The following LUZP2 variants were observed in gnomAD, a reference collection of about 807,000 sequenced individuals.
LUZP2 encodes the protein leucine zipper protein 2.
A neutral mutation model predicts 51.6 loss-of-function variants in LUZP2; 52 were observed. The ratio of observed to expected loss-of-function variants is 1.01; its 90% CI spans 0.81 to 1.27. The LOEUF (loss-of-function observed/expected upper bound fraction) is 1.27. LUZP2 is among the 50% of genes most tolerant of loss of function. The pLI, the probability that LUZP2 is intolerant of heterozygous loss-of-function variation, is 0.00. For synonymous variants in LUZP2, 154 were observed against 137.3 expected (o/e 1.12, Z -0.85); for missense variants, 436 against 395.4 (o/e 1.10, Z -0.87).
At chr11:24,741,921 TTTATATATTATATATAAATATATA>T (rs1253900839) in intron 4 of LUZP2, among the ~76,000 whole-genome samples, 1 of 18,676 alleles carries the variant, frequency 5.4e-5, no homozygotes, top group Non-Finnish European at 1.6e-4. Flanking sequence ...AATATATACA[TTTATATATTATATATAAATATATA>T]CATTTATATA....
intron 1 of LUZP2, among the ~76,000 whole-genome samples, chr11:24,725,984 G>T (rs554108211): frequency 1.3e-5 from 2 of 152,036 alleles, no homozygotes; most frequent in Non-Finnish European, 2.9e-5. Context: ...TTCTCTCACA[G>T]CCCTCACAGG....
At chr11:24,738,136 C>A in intron 3 of LUZP2, 85 bp from the exon 4 acceptor site, 1 of 933,930 alleles carries the variant, frequency 1.1e-6, no homozygotes, top group Non-Finnish European at 1.6e-6. Context: ...ATGTATACAG[C>A]AAAGCTCCTT....
chr11:24,610,225 T>TGACATTCATCAGTTCTG (rs1242364746), intron 1 of LUZP2, among the ~76,000 whole-genome samples: 1 of 152,160 alleles, frequency 6.6e-6, no homozygotes, highest in Non-Finnish European at 1.5e-5. Flanking sequence ...ACACAAATAG[T>TGACATTCATCAGTTCTG]GACATTCATC....
In LUZP2 at chr11:24,623,624, T is replaced by C. The variant is rs187363744; in HGVS notation, c.63-105545T>C. Reference sequence around the variant, plus strand: ...ATTTTGGGAGGCCAAGGCAGGCAGATTACCTAAAGTCGGGAGTTGGAGACC... The same window carrying C: ...ATTTTGGGAGGCCAAGGCAGGCAGACTACCTAAAGTCGGGAGTTGGAGACC... On this transcript the variant is annotated intron_variant, in intron 1 of 11. Transcript: ENST00000336930. Among the ~76,000 whole-genome samples the C allele has an allele frequency of 2.5e-4, 38 of 152,188 alleles. No individual in the cohort carries two copies. In the East Asian group the frequency reaches 6.6e-3, roughly 26 times the overall value.
At chr11:24,763,024 T>A (rs527966666) in intron 4 of LUZP2, 152 of 686,062 alleles carry the variant, frequency 2.2e-4, no homozygotes, top group East Asian at 9.3e-4. Context: ...AAAAAAAAAA[T>A]AATAAATAGT....
chr11:24,589,741 C>T (rs767281722), intron 1 of LUZP2, among the ~76,000 whole-genome samples: 10 of 152,176 alleles, frequency 6.6e-5, no homozygotes, highest in African/African-American at 1.9e-4. Flanking sequence ...TCATATATAA[C>T]GGAGAAATTC....
chr11:25,032,177 T>C (rs946531046), intron 9 of LUZP2, among the ~76,000 whole-genome samples: 24 of 152,118 alleles, frequency 1.6e-4, no homozygotes, highest in African/African-American at 5.1e-4. Flanking sequence ...GAAACACACA[T>C]AGTTTCTGGG....
At chr11:24,571,475 C>T (rs1047423891) in intron 1 of LUZP2, among the ~76,000 whole-genome samples, 1 of 152,030 alleles carries the variant, frequency 6.6e-6, no homozygotes, top group African/African-American at 2.4e-5. Context: ...CTAAATTTAA[C>T]TCAAATGCCA....
At chr11:24,822,145 A>G (rs749201261) in intron 5 of LUZP2, among the ~76,000 whole-genome samples, 1 of 152,092 alleles carries the variant, frequency 6.6e-6, no homozygotes, top group Non-Finnish European at 1.5e-5. Flanking sequence ...GTGAATCTTC[A>G]GTGGACAATA....
chr11:24,862,006 A>G (rs1315668347), intron 5 of LUZP2, among the ~76,000 whole-genome samples: 1 of 152,100 alleles, frequency 6.6e-6, no homozygotes, highest in Non-Finnish European at 1.5e-5. Flanking sequence ...TTCTCCCCCA[A>G]AGCTATGCAG....
chr11:24,610,673 C>G (rs968904575), intron 1 of LUZP2, among the ~76,000 whole-genome samples: 17 of 152,138 alleles, frequency 1.1e-4, no homozygotes, highest in African/African-American at 3.9e-4. Context: ...GGGCATGCCA[C>G]GGTGGCTCAG....
chr11:25,044,010 C>CTACATATATCTGATATATATAGACTCTA (rs1565272998), intron 9 of LUZP2, among the ~76,000 whole-genome samples: 1 of 109,286 alleles, frequency 9.2e-6, no homozygotes, highest in African/African-American at 4.0e-5. Flanking sequence ...GATATATAGT[C>CTACATATATCTGATATATATAGACTCTA]TATATATATC....
intron 5 of LUZP2, among the ~76,000 whole-genome samples, chr11:24,900,487 C>T (rs1853242774): frequency 6.6e-6 from 1 of 152,156 alleles, no homozygotes; most frequent in Non-Finnish European, 1.5e-5. Flanking sequence ...GGGAACATCC[C>T]TGAAAATCCT....
intron 9 of LUZP2, among the ~76,000 whole-genome samples, chr11:25,030,481 A>G (rs146235897): frequency 6.6e-6 from 1 of 152,204 alleles, no homozygotes; most frequent in African/African-American, 2.4e-5. Flanking sequence ...GTCTATCAAC[A>G]TTAAAGAATA....
chr11:24,898,739 T>C (rs1853171265), intron 5 of LUZP2, among the ~76,000 whole-genome samples: 2 of 152,242 alleles, frequency 1.3e-5, no homozygotes, highest in Non-Finnish European at 2.9e-5. Flanking sequence ...AAGACATTTC[T>C]AGTCTCATAT....
At chr11:24,747,748 G>A (rs553409858) in intron 4 of LUZP2, among the ~76,000 whole-genome samples, 3 of 152,150 alleles carry the variant, frequency 2.0e-5, no homozygotes, top group East Asian at 1.9e-4. Context: ...TGTGGGGGAT[G>A]GGGATGAGGT....
intron 7 of LUZP2, among the ~76,000 whole-genome samples, chr11:24,932,713 C>T (rs1854490874): frequency 6.6e-6 from 1 of 152,134 alleles, no homozygotes; most frequent in Non-Finnish European, 1.5e-5. Context: ...GAACTTGCCC[C>T]AGGCTACTGG....
chr11:25,075,931 C>T (rs549151915), intron 10 of LUZP2, among the ~76,000 whole-genome samples: 95 of 152,028 alleles, frequency 6.2e-4, no homozygotes, highest in Non-Finnish European at 1.2e-3. Context: ...CCTGATTCAT[C>T]GCTTGGAAAT....
At chr11:24,777,080 A>C (rs374962273) in intron 5 of LUZP2, among the ~76,000 whole-genome samples, 96 of 149,158 alleles carry the variant, frequency 6.4e-4, no homozygotes, top group Non-Finnish European at 1.0e-3. Context: ...CTGCAAGCTC[A>C]GCCTCCCGGG....
Sources: gnomAD v4.1 joint callset for allele counts (sites outside exome capture counted in the v4.1 genomes callset) on GRCh38, gnomAD v4.1.1 for gene constraint, MANE v1.5 for transcripts, NCBI Gene and HGNC (gene_info 2026-07-23, HGNC 2026-07-21) for gene names.